ANXA8: variants seen among roughly 807,000 people sequenced by gnomAD.
ANXA8 encodes the protein annexin A8.
A neutral mutation model predicts 26.8 loss-of-function variants in ANXA8; 9 were observed. The ratio of observed to expected loss-of-function variants is 0.34; its 90% CI spans 0.20 to 0.59. ANXA8 has a LOEUF of 0.59. ANXA8 is among the 20% of genes least tolerant of loss of function. ANXA8 has a pLI of 0.84. For missense variants in ANXA8, 83 were observed against 238.5 expected, an observed-to-expected ratio of 0.35 and a Z score of 4.29; for synonymous variants, 39 against 94.8, an observed-to-expected ratio of 0.41 and a Z score of 3.42.
chr10:47,649,963 T>G, the ANXA8 span, among the ~76,000 whole-genome samples: 1 of 151,008 alleles, frequency 6.6e-6, no homozygotes, highest in Non-Finnish European at 1.5e-5. Flanking sequence ...ATCCCAACAC[T>G]TTGGGAGGCC....
chr10:47,503,937 C>CAAAAAAA, the ANXA8 span, among the ~76,000 whole-genome samples: 6 of 23,444 alleles, frequency 2.6e-4, no homozygotes, highest in Non-Finnish European at 2.7e-4. Context: ...GAGAGTCCAT[C>CAAAAAAA]AAAAAAAAAA....
chr10:47,683,293 A>G, the ANXA8 span, among the ~76,000 whole-genome samples: 12 of 147,252 alleles, frequency 8.1e-5, no homozygotes, highest in Admixed American at 6.2e-4. Context: ...CAGTGGCGCA[A>G]TCTTGGCTCA....
At chr10:47,526,512 T>C in the ANXA8 span, among the ~76,000 whole-genome samples, 3 of 131,962 alleles carry the variant, frequency 2.3e-5, no homozygotes, top group Non-Finnish European at 4.6e-5. Flanking sequence ...CAACTCTCAA[T>C]GAGTTTAGGC....
chr10:47,659,843 G>A, the ANXA8 span, among the ~76,000 whole-genome samples: 13 of 151,462 alleles, frequency 8.6e-5, 1 homozygote, highest in East Asian at 1.9e-4. Flanking sequence ...TGCAACCTCC[G>A]CCTCCCAGGC....
chr10:47,618,304 C>T, the ANXA8 span, among the ~76,000 whole-genome samples: 1 of 109,300 alleles, frequency 9.1e-6, no homozygotes, highest in South Asian at 2.9e-4. Context: ...TCAAAAATTA[C>T]CAGCTAGAGG....
the ANXA8 span, among the ~76,000 whole-genome samples, chr10:47,950,363 G>A: frequency 6.6e-6 from 1 of 152,200 alleles, no homozygotes; most frequent in African/African-American, 2.4e-5. Context: ...AAAGGGGAAG[G>A]ACACTTGAAC....
At chr10:47,650,715 G>C in the ANXA8 span, among the ~76,000 whole-genome samples, 1 of 146,956 alleles carries the variant, frequency 6.8e-6, no homozygotes, top group Admixed American at 6.7e-5. Context: ...GCTGAGGCAG[G>C]AGAATGGTTT....
At chr10:47,744,413 G>GGGGGGGGGTGGGGGGGGGGGGGGGGAA in the ANXA8 span, among the ~76,000 whole-genome samples, 1 of 3,978 alleles carries the variant, frequency 2.5e-4, no homozygotes, top group Non-Finnish European at 4.7e-4. Context: ...GCTCCTGGTG[G>GGGGGGGGGTGGGGGGGGGGGGGGGGAA]GGGGGGGGTT....
the ANXA8 span, among the ~76,000 whole-genome samples, chr10:47,958,245 G>A: frequency 1.3e-5 from 2 of 149,762 alleles, no homozygotes; most frequent in African/African-American, 5.0e-5. Context: ...TTGGGAAGCC[G>A]AGGCCGGCAG....
the ANXA8 span, chr10:47,564,970 G>A: frequency 8.4e-7 from 1 of 1,196,540 alleles, no homozygotes; most frequent in South Asian, 1.2e-5. Flanking sequence ...AAGCCAAGCT[G>A]TCCAGCTGCC....
chr10:47,496,750 C>T, the ANXA8 span, among the ~76,000 whole-genome samples: 4 of 148,864 alleles, frequency 2.7e-5, no homozygotes, highest in African/African-American at 1.0e-4. Flanking sequence ...AAATGTTCCT[C>T]GATTTGGGAT....
chr10:47,977,456 T>A, the ANXA8 span, among the ~76,000 whole-genome samples: 10 of 150,986 alleles, frequency 6.6e-5, no homozygotes, highest in East Asian at 1.9e-3. Context: ...AAAGCTGCCA[T>A]TAGAAACTTT....
chr10:47,887,785 G>T, the ANXA8 span, among the ~76,000 whole-genome samples: 1 of 6,432 alleles, frequency 1.6e-4, no homozygotes, highest in Non-Finnish European at 3.7e-4. Flanking sequence ...ATCTCAGTTT[G>T]AAGAGCTACA....
At chr10:47,656,376 C>T in the ANXA8 span, among the ~76,000 whole-genome samples, 8 of 150,180 alleles carry the variant, frequency 5.3e-5, no homozygotes, top group Admixed American at 5.3e-4. Flanking sequence ...CCAACCTGGG[C>T]AACAGAGGGA....
the ANXA8 span, among the ~76,000 whole-genome samples, chr10:47,584,229 T>C: frequency 6.7e-6 from 1 of 149,422 alleles, no homozygotes; most frequent in Non-Finnish European, 1.5e-5. Context: ...CATGATGAGA[T>C]GGTCGAGACC....
the ANXA8 span, among the ~76,000 whole-genome samples, chr10:47,496,686 T>C: frequency 1.8e-4 from 26 of 145,954 alleles, no homozygotes; most frequent in African/African-American, 6.3e-4. Flanking sequence ...TCCTCAATCT[T>C]TCCTTATCTT....
the ANXA8 span, among the ~76,000 whole-genome samples, chr10:47,744,354 G>A: frequency 4.5e-4 from 65 of 142,870 alleles, no homozygotes; most frequent in East Asian, 1.6e-3. Flanking sequence ...CCTGAGAAAC[G>A]GCACATCCTC....
At chr10:47,653,690 G>A in the ANXA8 span, among the ~76,000 whole-genome samples, 1 of 149,240 alleles carries the variant, frequency 6.7e-6, no homozygotes, top group South Asian at 2.1e-4. Context: ...CTGTCGCCCA[G>A]GCTGGAGTGC....
At chr10:47,962,636 TCTCACACA>T in the ANXA8 span, among the ~76,000 whole-genome samples, 10 of 46,272 alleles carry the variant, frequency 2.2e-4, no homozygotes, top group African/African-American at 6.9e-4. Flanking sequence ...ACACACACAC[TCTCACACA>T]CTCACAGAGA....
Sources: allele counts gnomAD v4.1 joint callset (sites outside exome capture counted in the v4.1 genomes callset), GRCh38; gene constraint gnomAD v4.1.1; transcripts MANE v1.5; gene names NCBI Gene and HGNC (gene_info 2026-07-23, HGNC 2026-07-21).